Variants in PRMT7 observed in about 807,000 individuals in gnomAD.
The protein encoded by PRMT7 is protein arginine N-methyltransferase 7.
A neutral mutation model predicts 85.4 loss-of-function variants in PRMT7; 75 were observed. That is an observed-to-expected ratio of 0.88 (90% CI 0.73 to 1.06). PRMT7 has a LOEUF of 1.06. PRMT7 is among the 50% of genes least tolerant of loss of function. The probability of loss-of-function intolerance (pLI) is 0.00; values close to 1 mark genes in which losing one functional copy is unlikely to be tolerated. For synonymous variants in PRMT7, 397 were observed against 359.5 expected (o/e 1.10, Z -1.18); for missense variants, 868 against 915.2 (o/e 0.95, Z 0.67).
chr16:68,327,257 G>A (rs753199506), intron 5 of PRMT7, among the ~76,000 whole-genome samples: 1 of 152,120 alleles, frequency 6.6e-6, no homozygotes, highest in Non-Finnish European at 1.5e-5. Context: ...GAACAGTCTC[G>A]GTATCATTTT....
intron 1 of PRMT7, 52 bp downstream of exon 1, chr16:68,311,151 C>A: frequency 1.5e-6 from 1 of 646,682 alleles, no homozygotes; most frequent in Non-Finnish European, 2.8e-6. Context: ...GTTCTGTGTG[C>A]AGCGAGCATG....
Position 68,355,723 on chromosome 16 carries a change from C to T in PRMT7, c.1651C>T (p.Arg551Cys), listed in dbSNP as rs145433823. The T allele has an allele frequency of 2.8e-5, 44 of 1,585,860 alleles. No homozygotes were observed. Among genetic ancestry groups the T allele is most frequent in the African/African-American group, 1.3e-4 (10 of 74,084 alleles). The part of the protein sequence containing the change: ...DVHIMDDMIK[R>C]ALDFRESREA... ...CCCCCAGGCCCCCTTCTGTTCGCAG[C>T]GTGCCCTGGACTTCAGGGAGAGCAG... Residue 551 changes from arginine to cysteine, a missense_variant and splice_region_variant, in exon 17 of 19, where the codon CGT becomes TGT. Arg to Cys is a radical substitution (Grantham distance 180). Coordinates refer to ENST00000441236, the MANE Select transcript of PRMT7 (RefSeq NM_019023.5).
chr16:68,352,391 T>A lies in PRMT7; in HGVS notation c.1557T>A (p.Ala519=). The change falls in exon 15 of 19, where the codon GCT becomes GCA. Residue 519 remains alanine (A), a synonymous_variant. Coordinates refer to ENST00000441236, the MANE Select transcript of PRMT7 (RefSeq NM_019023.5). Reference sequence around the variant, plus strand: ...TGCCCCAGGCAGCCTCGCTGCACGCTGTGGTTGTGGAGTTCAGGGTAGGCC... The same window carrying A: ...TGCCCCAGGCAGCCTCGCTGCACGCAGTGGTTGTGGAGTTCAGGGTAGGCC... The part of the protein sequence containing the change: ...MVMPQAASLH[A]VVVEFRDLWR... 1 of 1,605,330 alleles carries A rather than the reference T, an allele frequency of 6.2e-7. No individual in the cohort carries two copies. The highest frequency in any genetic ancestry group is 8.5e-7 in the Non-Finnish European group (1 of 1,179,246).
In PRMT7 at chr16:68,345,753, G is replaced by T. The variant is rs765938169; in HGVS notation, c.1006G>T (p.Val336Leu). Residue 336 changes from valine (V) to leucine (L), a missense_variant, in exon 10 of 19, where the codon GTA (valine) becomes TTA (leucine). Physicochemically the swap from Val to Leu is conservative, Grantham distance 32. Coordinates refer to ENST00000441236, the MANE Select transcript of PRMT7 (RefSeq NM_019023.5). ...PVVQGSALYL[V>L]AHHDDYCVWY... ...GGTGCAGGGCTCAGCGCTCTATCTG[G>T]TAGCCCACCACGATGACTACTGCGT... 17 of 1,614,166 alleles carry T rather than the reference G, an allele frequency of 1.1e-5. No individual in the cohort carries two copies. The highest frequency in any genetic ancestry group is 1.4e-5 in the Non-Finnish European group (17 of 1,180,030).
At chr16:68,321,669 CA>C in intron 4 of PRMT7, 2 of 487,388 alleles carry the variant, frequency 4.1e-6, no homozygotes, top group Non-Finnish European at 7.4e-6. Flanking sequence ...ATAGAACTGA[CA>C]AATAAAAATG....
chr16:68,324,953 A>G, intron 5 of PRMT7, 121 bp downstream of exon 5: 1 of 1,316,324 alleles, frequency 7.6e-7, no homozygotes. Flanking sequence ...TGCCAAGCAC[A>G]GAGCCAGGCT....
intron 5 of PRMT7, among the ~76,000 whole-genome samples, chr16:68,327,787 A>G (rs2083299038): frequency 6.6e-6 from 1 of 151,678 alleles, no homozygotes; most frequent in African/African-American, 2.4e-5. Context: ...GCCTCTACAA[A>G]AAGTAGCTGG....
At chr16:68,353,408 A>G in intron 15 of PRMT7, 84 bp from the exon 16 acceptor site, 1 of 1,598,548 alleles carries the variant, frequency 6.3e-7, no homozygotes, top group Non-Finnish European at 8.5e-7. Flanking sequence ...TGCAGGGAAC[A>G]GCAAGATGTG....
intron 9 of PRMT7, among the ~76,000 whole-genome samples, chr16:68,340,866 A>G (rs2085421724): frequency 6.6e-6 from 1 of 152,222 alleles, no homozygotes; most frequent in Non-Finnish European, 1.5e-5. Context: ...TTATCCTTTC[A>G]GTGGGTGAGG....
Position 68,345,815 on chromosome 16 carries a change from T to C in PRMT7, c.1055+13T>C. On this transcript the variant is annotated intron_variant, in intron 10 of 18. Transcript: ENST00000441236. ...TGCAGAGGACCAGGTACGTCGAGCC[T>C]CGTGGGGGTGGAGGATGAGCCTCTG... 6.2e-7 allele frequency: 1 copy of C among 1,613,800 alleles called. No individual in the cohort carries two copies. Among genetic ancestry groups the C allele is most frequent in the Non-Finnish European group, 8.5e-7 (1 of 1,179,942 alleles).
At chr16:68,348,290 C>G in intron 13 of PRMT7, 52 bp from the exon 14 acceptor site, 2 of 1,400,284 alleles carry the variant, frequency 1.4e-6, no homozygotes, top group Non-Finnish European at 2.0e-6. Context: ...TTTTTCCTGA[C>G]AAACACAATA....
At chr16:68,320,780 TAGAG>T (rs2082396332) in intron 3 of PRMT7, among the ~76,000 whole-genome samples, 4 of 152,178 alleles carry the variant, frequency 2.6e-5, no homozygotes, top group Non-Finnish European at 4.4e-5. Context: ...TCTGCAGCAC[TAGAG>T]AATAACAGCT....
chr16:68,352,085 T>G, intron 14 of PRMT7, 163 bp from the exon 15 acceptor site: 4 of 660,326 alleles, frequency 6.1e-6, no homozygotes, highest in Non-Finnish European at 7.6e-6. Flanking sequence ...GAGGGACTGA[T>G]GAGGGAGGGA....
intron 9 of PRMT7, among the ~76,000 whole-genome samples, chr16:68,340,754 A>G (rs1328793479): frequency 1.3e-5 from 2 of 152,226 alleles, no homozygotes; most frequent in African/African-American, 4.8e-5. Flanking sequence ...GCTTTCAGAC[A>G]TGGGGCTGTG....
intron 5 of PRMT7, among the ~76,000 whole-genome samples, chr16:68,326,115 A>G (rs2083085868): frequency 6.6e-6 from 1 of 152,220 alleles, no homozygotes; most frequent in Admixed American, 6.5e-5. Flanking sequence ...TAAAAATAGT[A>G]TGTTGACCCA....
chr16:68,330,461 T>C (rs2083708760), intron 6 of PRMT7, among the ~76,000 whole-genome samples: 2 of 152,022 alleles, frequency 1.3e-5, no homozygotes, highest in South Asian at 4.2e-4. Context: ...GCACCTGGCT[T>C]TTTCACCACG....
At position 68,345,716 on chromosome 16, in the gene PRMT7, AGAG is replaced by A. The variant is rs1478398938; in HGVS notation, c.973_975del (p.Glu325del). The A allele has an allele frequency of 1.2e-6, 2 of 1,613,946 alleles. No individual in the cohort carries two copies. The highest frequency in any genetic ancestry group is 1.7e-6 in the Non-Finnish European group (2 of 1,180,040). On this transcript the variant is annotated inframe_deletion, in exon 10 of 19. Transcript: ENST00000441236. ...TGCAGTGTGTGTACTTCCTGCCACA[AGAG>A]GAGCCTGTGGTGCAGGGCTCAGCGC... is the stretch of plus-strand genomic sequence containing the variant.
chr16:68,352,322 G>A lies in PRMT7; in HGVS notation c.1488G>A (p.Val496=), dbSNP rs984812242. 5 of 1,613,108 alleles carry A rather than the reference G, an allele frequency of 3.1e-6. No homozygotes were observed. The change falls in exon 15 of 19, where the codon GTG becomes GTA. Residue 496 remains valine (V), a synonymous_variant. Transcript: ENST00000441236. ...LPWHNLYFWY[V]RTAVDQHLGP... Reference sequence around the variant, plus strand: ...GGCACAACCTCTACTTCTGGTACGTGCGGACCGCTGTGGACCAGCACCTGG... The same window carrying A: ...GGCACAACCTCTACTTCTGGTACGTACGGACCGCTGTGGACCAGCACCTGG...
rs759057412 is a variant in PRMT7 at position 68,311,086 on chromosome 16, G to T, written c.-232G>T. 2 of 742,474 alleles carry T rather than the reference G, an allele frequency of 2.7e-6. No homozygotes were observed. The highest frequency in any genetic ancestry group is 3.0e-5 in the South Asian group (2 of 67,230). 46.0% of individuals were successfully genotyped at this position (742,474 alleles called of 1,614,324 possible). A position where few individuals can be genotyped will look rare whatever the true frequency, so the allele number is the denominator to read the frequency against. Reference sequence around the variant, plus strand: ...TGGTAGCAGCGGAGGCGAGCGGAGGGTTTCCCGCGGCGGGTGAGGCGCTGG... The same window carrying T: ...TGGTAGCAGCGGAGGCGAGCGGAGGTTTTCCCGCGGCGGGTGAGGCGCTGG... On this transcript the variant is annotated 5_prime_UTR_variant, in exon 1 of 19. Transcript: ENST00000441236.
Sources: gnomAD v4.1 joint callset for allele counts (sites outside exome capture counted in the v4.1 genomes callset) on GRCh38, gnomAD v4.1.1 for gene constraint, MANE v1.5 for transcripts, NCBI Gene and HGNC (gene_info 2026-07-23, HGNC 2026-07-21) for gene names.